CD300LF: variants seen among roughly 807,000 people sequenced by gnomAD.
The protein encoded by CD300LF is CMRF35-like molecule 1.
CD300LF carries 27 observed loss-of-function variants against 32.2 expected under a neutral mutation model. That is an observed-to-expected ratio of 0.84 (90% CI 0.62 to 1.15). The LOEUF is 1.15. Among genes scored for constraint, CD300LF ranks in the 50% most tolerant of loss-of-function variants. The probability of loss-of-function intolerance (pLI) is 0.00; values close to 1 mark genes in which losing one functional copy is unlikely to be tolerated. For missense variants in CD300LF, 348 were observed against 356.8 expected, an observed-to-expected ratio of 0.98 and a Z score of 0.20; for synonymous variants, 139 against 143.2, an observed-to-expected ratio of 0.97 and a Z score of 0.21.
chr17:74,706,764 G>A (rs559602479), intron 1 of CD300LF, among the ~76,000 whole-genome samples: 27 of 152,288 alleles, frequency 1.8e-4, no homozygotes, highest in African/African-American at 6.0e-4. Context: ...CCTGGGAAGG[G>A]GTGAGGACCA....
intron 3 of CD300LF, among the ~76,000 whole-genome samples, 172 bp downstream of exon 3, chr17:74,702,863 A>C (rs375247566): frequency 6.6e-6 from 1 of 152,222 alleles, no homozygotes; most frequent in South Asian, 2.1e-4. Context: ...GTGGAGACTG[A>C]AAGGACACCA....
At position 74,700,358 on chromosome 17, in the gene CD300LF, G is replaced by A. The variant is rs568106088; in HGVS notation, c.447-1877C>T. 1.4e-4 allele frequency among the ~76,000 whole-genome samples: 21 copies of A among 151,942 alleles called. No homozygotes were observed. In the South Asian group the frequency reaches 2.9e-3, roughly 21 times the overall value. On this transcript the variant is annotated intron_variant, in intron 3 of 6. Coordinates refer to ENST00000326165, the MANE Select transcript of CD300LF (RefSeq NM_139018.5). ...TATTCCAGGCACATCCCCACATTACGGACCTTATTCCAGTTGCATTTTTCT... is the reference window on the plus strand; with the variant it reads ...TATTCCAGGCACATCCCCACATTACAGACCTTATTCCAGTTGCATTTTTCT...
At chr17:74,700,109 T>G (rs1309181663) in intron 3 of CD300LF, among the ~76,000 whole-genome samples, 3 of 151,604 alleles carry the variant, frequency 2.0e-5, no homozygotes, top group East Asian at 3.9e-4. Flanking sequence ...GCCACTGCAC[T>G]CCAGCCTGGT....
At chr17:74,702,977 G>T in intron 3 of CD300LF, 58 bp downstream of exon 3, 2 of 1,371,962 alleles carry the variant, frequency 1.5e-6, no homozygotes, top group Non-Finnish European at 2.1e-6. Flanking sequence ...ACTTCAAAGA[G>T]TTCTCCATTG....
At chr17:74,700,154 A>G (rs963685644) in intron 3 of CD300LF, among the ~76,000 whole-genome samples, 3 of 149,988 alleles carry the variant, frequency 2.0e-5, no homozygotes, top group African/African-American at 7.3e-5. Flanking sequence ...TAAATAAATA[A>G]ATAAATAAAT....
At chr17:74,708,785 G>C (rs368605844) in intron 1 of CD300LF, among the ~76,000 whole-genome samples, 1 of 151,918 alleles carries the variant, frequency 6.6e-6, no homozygotes. Context: ...GCGTGGTGGC[G>C]GGCGCCTGTA....
intron 1 of CD300LF, among the ~76,000 whole-genome samples, chr17:74,709,985 G>T (rs1007080534): frequency 5.3e-5 from 8 of 151,840 alleles, no homozygotes; most frequent in African/African-American, 1.9e-4. Flanking sequence ...TTTTTTGTTT[G>T]TTTGTTTTTT....
chr17:74,696,080 C>T (rs1021772308), intron 5 of CD300LF, 115 bp downstream of exon 5: 1 of 1,395,816 alleles, frequency 7.2e-7, no homozygotes, highest in African/African-American at 1.4e-5. Flanking sequence ...GCCATGAGGA[C>T]AGGATACTTT....
intron 1 of CD300LF, among the ~76,000 whole-genome samples, chr17:74,709,658 T>C (rs1312804967): frequency 1.3e-5 from 2 of 152,064 alleles, no homozygotes; most frequent in Non-Finnish European, 2.9e-5. Context: ...CCTCAAGTCC[T>C]GGGCTCAAGT....
chr17:74,704,591 G>A lies in CD300LF; in HGVS notation c.269C>T (p.Thr90Met), dbSNP rs376560534. 3.2e-5 allele frequency: 51 copies of A among 1,614,126 alleles called. No homozygotes were observed. The highest frequency in any genetic ancestry group is 3.0e-4 in the Admixed American group (18 of 60,006). ...VSIKDNQKNR[T>M]FTVTMEDLMK... Reference sequence around the variant, plus strand: ...GAGATCCTCCATGGTCACAGTGAACGTGCGGTTTTTCTGATTGTCCTTGAT... The same window carrying A: ...GAGATCCTCCATGGTCACAGTGAACATGCGGTTTTTCTGATTGTCCTTGAT... The change falls in exon 2 of 7, where the codon ACG becomes ATG. Residue 90 changes from threonine to methionine, a missense_variant. Transcript: ENST00000326165.
chr17:74,703,052 G>T lies in CD300LF; in HGVS notation c.429C>A (p.Gly143=). The T allele has an allele frequency of 6.2e-7, 1 of 1,613,906 alleles. No individual in the cohort carries two copies. The highest frequency in any genetic ancestry group is 8.5e-7 in the Non-Finnish European group (1 of 1,179,802). Residue 143 remains glycine, a synonymous_variant, in exon 3 of 7, where the codon GGC becomes GGA. Transcript: ENST00000326165. ...TGGCTTACCTGTTGTCCAAGTGGTG[G>T]CCGGTCAGAGTTGGGGAGCTGCTAG... is the stretch of plus-strand genomic sequence containing the variant. The part of the protein sequence containing the change: ...EETSSSPTLT[G]HHLDNRHKLL...
chr17:74,710,866 C>CAA (rs111331327), intron 1 of CD300LF, among the ~76,000 whole-genome samples: 1 of 136,588 alleles, frequency 7.3e-6, no homozygotes. Context: ...GACTCTGTCT[C>CAA]AAAAAAAAAA....
At chr17:74,702,484 T>C (rs960007305) in intron 3 of CD300LF, among the ~76,000 whole-genome samples, 4 of 152,228 alleles carry the variant, frequency 2.6e-5, no homozygotes, top group African/African-American at 9.6e-5. Flanking sequence ...GAAAGCCTTT[T>C]GTGAGCTGTC....
At chr17:74,696,077 G>A (rs2032439344) in intron 5 of CD300LF, 118 bp downstream of exon 5, 1 of 1,377,964 alleles carries the variant, frequency 7.3e-7, no homozygotes, top group African/African-American at 1.5e-5. Flanking sequence ...GGTGCCATGA[G>A]GACAGGATAC....
At chr17:74,707,333 C>A (rs368188829) in intron 1 of CD300LF, among the ~76,000 whole-genome samples, 8 of 152,136 alleles carry the variant, frequency 5.3e-5, no homozygotes, top group African/African-American at 1.9e-4. Context: ...GGAATCTGAC[C>A]AGATATTTCT....
At chr17:74,697,082 C>G (rs1021146654) in intron 4 of CD300LF, among the ~76,000 whole-genome samples, 3 of 152,160 alleles carry the variant, frequency 2.0e-5, no homozygotes, top group Non-Finnish European at 2.9e-5. Context: ...GCTGGAACTA[C>G]AGATGTGTGC....
At chr17:74,706,305 A>T (rs1201894274) in intron 1 of CD300LF, among the ~76,000 whole-genome samples, 1 of 150,484 alleles carries the variant, frequency 6.6e-6, no homozygotes, top group Non-Finnish European at 1.5e-5. Flanking sequence ...ATATATCCCA[A>T]AGTGCTGCGA....
chr17:74,709,662 C>A (rs1431548576), intron 1 of CD300LF, among the ~76,000 whole-genome samples: 2 of 152,032 alleles, frequency 1.3e-5, no homozygotes, highest in East Asian at 3.9e-4. Flanking sequence ...AAGTCCTGGG[C>A]TCAAGTGATC....
chr17:74,712,605 G>A (rs2034051610), intron 1 of CD300LF, among the ~76,000 whole-genome samples: 2 of 152,214 alleles, frequency 1.3e-5, no homozygotes, highest in South Asian at 4.1e-4. Flanking sequence ...CAGCCCCTGG[G>A]GGTCAGGAAT....
Sources: allele counts gnomAD v4.1 joint callset (sites outside exome capture counted in the v4.1 genomes callset), GRCh38; gene constraint gnomAD v4.1.1; transcripts MANE v1.5; gene names NCBI Gene and HGNC (gene_info 2026-07-23, HGNC 2026-07-21).